NELL1: variants seen among roughly 807,000 people sequenced by gnomAD.
The protein encoded by NELL1 is neural EGFL like 1, also known as protein kinase C-binding protein NELL1.
Under a neutral mutation model 107.4 loss-of-function variants are expected in NELL1, and 76 were observed. That is an observed-to-expected ratio of 0.71 (90% CI 0.59 to 0.86). NELL1 has a LOEUF of 0.86. NELL1 is among the 40% of genes least tolerant of loss of function. The pLI, the probability that NELL1 is intolerant of heterozygous loss-of-function variation, is 0.00. For missense variants in NELL1, 1,024 were observed against 1,005.5 expected, an observed-to-expected ratio of 1.02 and a Z score of -0.25; for synonymous variants, 353 against 341.2, an observed-to-expected ratio of 1.03 and a Z score of -0.38.
At chr11:21,275,149 G>T (rs1304792278) in intron 14 of NELL1, among the ~76,000 whole-genome samples, 2 of 152,050 alleles carry the variant, frequency 1.3e-5, no homozygotes, top group African/African-American at 4.8e-5. Context: ...TTCATAGACT[G>T]CTAGCAGACT....
intron 13 of NELL1, among the ~76,000 whole-genome samples, chr11:21,120,326 G>T (rs1037070206): frequency 1.3e-5 from 2 of 152,090 alleles, no homozygotes; most frequent in Admixed American, 1.3e-4. Context: ...TATTTTTGAT[G>T]AAATTTTATT....
At chr11:20,757,131 T>G (rs1856314062) in intron 2 of NELL1, among the ~76,000 whole-genome samples, 1 of 152,122 alleles carries the variant, frequency 6.6e-6, no homozygotes, top group South Asian at 2.1e-4. Flanking sequence ...CCCCTTTCTC[T>G]TTTCTCTGGC....
At chr11:21,044,571 G>A (rs1360283666) in intron 12 of NELL1, among the ~76,000 whole-genome samples, 2 of 152,134 alleles carry the variant, frequency 1.3e-5, no homozygotes, top group Non-Finnish European at 2.9e-5. Flanking sequence ...GTATATAAGT[G>A]AATGGGAAAG....
intron 14 of NELL1, among the ~76,000 whole-genome samples, chr11:21,339,998 C>A (rs1015281652): frequency 1.3e-5 from 2 of 152,164 alleles, no homozygotes; most frequent in African/African-American, 4.8e-5. Context: ...CTGTCTTCCT[C>A]CCATCTTAGA....
chr11:21,106,713 A>AT (rs1854978528), intron 12 of NELL1, among the ~76,000 whole-genome samples: 2 of 152,196 alleles, frequency 1.3e-5, no homozygotes, highest in East Asian at 1.9e-4. Flanking sequence ...TTGCATATAT[A>AT]TTTTTTTACC....
chr11:20,975,325 T>G (rs1384127452), intron 12 of NELL1, among the ~76,000 whole-genome samples: 3 of 151,954 alleles, frequency 2.0e-5, no homozygotes, highest in Non-Finnish European at 2.9e-5. Flanking sequence ...TGGGGCTTCC[T>G]TTTTGTGTTC....
intron 12 of NELL1, among the ~76,000 whole-genome samples, chr11:20,990,891 AC>A (rs2134257653): frequency 6.6e-6 from 1 of 152,212 alleles, no homozygotes; most frequent in South Asian, 2.1e-4. Flanking sequence ...ATCCAATTGC[AC>A]TGGCTTCTCT....
At chr11:21,325,207 T>C (rs1457869895) in intron 14 of NELL1, among the ~76,000 whole-genome samples, 2 of 152,110 alleles carry the variant, frequency 1.3e-5, no homozygotes, top group Non-Finnish European at 2.9e-5. Flanking sequence ...TAATCTCTCT[T>C]ATATCGTGTT....
chr11:20,770,508 T>G (rs2133967841), intron 2 of NELL1, among the ~76,000 whole-genome samples: 1 of 152,322 alleles, frequency 6.6e-6, no homozygotes, highest in Non-Finnish European at 1.5e-5. Flanking sequence ...AGCACAAGGT[T>G]GAAGGCTGAT....
rs1393582329 is a variant in NELL1, at chr11:21,276,157, G to A, written c.1549+46703G>A. ...GATTGTATATTTAGAAAACCCCATC[G>A]TCTCAACCCAAAATCTCCTTAAGCT... On this transcript the variant is annotated intron_variant, in intron 14 of 19. Transcript: ENST00000357134. Among the ~76,000 whole-genome samples the A allele has an allele frequency of 1.5e-4, 23 of 152,228 alleles. 1 individual carries two copies. In the South Asian group the frequency reaches 2.5e-3, roughly 16 times the overall value.
chr11:20,775,290 C>G (rs1356085997), intron 2 of NELL1, among the ~76,000 whole-genome samples: 1 of 152,092 alleles, frequency 6.6e-6, no homozygotes, highest in Non-Finnish European at 1.5e-5. Context: ...GCTGTATGTA[C>G]TATTGTATAC....
intron 12 of NELL1, among the ~76,000 whole-genome samples, chr11:20,994,737 T>A (rs762978924): frequency 3.9e-5 from 6 of 152,218 alleles, no homozygotes; most frequent in Non-Finnish European, 7.3e-5. Context: ...TTAGAAGAGC[T>A]AAACTAGAAT....
At chr11:20,720,573 G>T (rs539197185) in intron 2 of NELL1, among the ~76,000 whole-genome samples, 1 of 152,176 alleles carries the variant, frequency 6.6e-6, no homozygotes, top group South Asian at 2.1e-4. Context: ...TGACTAGGTG[G>T]CTTAGAAAAC....
At chr11:20,804,556 G>T (rs1434799630) in intron 3 of NELL1, among the ~76,000 whole-genome samples, 1 of 152,182 alleles carries the variant, frequency 6.6e-6, no homozygotes, top group Non-Finnish European at 1.5e-5. Flanking sequence ...TCATTTAGGA[G>T]CCTATTGTTT....
At chr11:20,762,289 C>T (rs327035) in intron 2 of NELL1, among the ~76,000 whole-genome samples, 38,540 of 152,028 alleles carry the variant, frequency 0.25, 5,669 homozygotes, top group African/African-American at 0.41. Context: ...ACACGTGGTC[C>T]TTCTTTTAGA....
At chr11:21,374,991 A>G (rs998019768) in intron 15 of NELL1, among the ~76,000 whole-genome samples, 1 of 151,748 alleles carries the variant, frequency 6.6e-6, no homozygotes, top group African/African-American at 2.4e-5. Flanking sequence ...AAGAAGGAAG[A>G]AGGCAGGAGT....
At chr11:21,510,338 C>A (rs1409852284) in intron 15 of NELL1, among the ~76,000 whole-genome samples, 2 of 152,100 alleles carry the variant, frequency 1.3e-5, no homozygotes, top group Non-Finnish European at 2.9e-5. Flanking sequence ...TTTAGAAGTG[C>A]TCTGTGGAAT....
intron 5 of NELL1, among the ~76,000 whole-genome samples, chr11:20,916,200 G>GT (rs1165696605): frequency 6.6e-6 from 1 of 151,828 alleles, no homozygotes; most frequent in Non-Finnish European, 1.5e-5. Context: ...TTTTATTTCT[G>GT]TTTTTTGTTC....
At chr11:21,456,175 T>G (rs574586027) in intron 15 of NELL1, among the ~76,000 whole-genome samples, 7 of 152,228 alleles carry the variant, frequency 4.6e-5, no homozygotes, top group Non-Finnish European at 7.4e-5. Context: ...TTACAGGCGA[T>G]GCCTGGCCCT....
Sources: allele counts gnomAD v4.1 joint callset (sites outside exome capture counted in the v4.1 genomes callset), GRCh38; gene constraint gnomAD v4.1.1; transcripts MANE v1.5; gene names NCBI Gene and HGNC (gene_info 2026-07-23, HGNC 2026-07-21).